GALNT7: variants seen among roughly 807,000 people sequenced by gnomAD.
GALNT7 encodes the protein polypeptide N-acetylgalactosaminyltransferase 7, also known as N-acetylgalactosaminyltransferase 7.
GALNT7 carries 60 observed loss-of-function variants against 82.1 expected under a neutral mutation model. That is an observed-to-expected ratio of 0.73 (90% CI 0.59 to 0.91). GALNT7 has a LOEUF of 0.91. Among genes scored for constraint, GALNT7 ranks in the 40% least tolerant of loss-of-function variants. The probability of loss-of-function intolerance (pLI) is 0.00; values close to 1 mark genes in which losing one functional copy is unlikely to be tolerated. For synonymous variants in GALNT7, 243 were observed against 275.1 expected (o/e 0.88, Z 1.15); for missense variants, 660 against 804.2 (o/e 0.82, Z 2.17).
At chr4:173,220,169 TG>T (rs1471903294) in intron 1 of GALNT7, among the ~76,000 whole-genome samples, 1 of 152,214 alleles carries the variant, frequency 6.6e-6, no homozygotes, top group Non-Finnish European at 1.5e-5. Context: ...AGTTGATTTT[TG>T]TATAAGGTGA....
At chr4:173,173,243 CTT>C (rs749088078) in intron 1 of GALNT7, among the ~76,000 whole-genome samples, 7 of 141,084 alleles carry the variant, frequency 5.0e-5, no homozygotes, top group South Asian at 2.3e-4. Context: ...TTATGGGAAG[CTT>C]TTTTTTTTTT....
chr4:173,245,207 C>T (rs558062402), intron 1 of GALNT7, among the ~76,000 whole-genome samples: 1 of 71,142 alleles, frequency 1.4e-5, no homozygotes, highest in East Asian at 4.0e-4. Flanking sequence ...GACAAAGAAC[C>T]ATTAAGTCAA....
At chr4:173,272,098 G>A (rs1735748021) in intron 2 of GALNT7, among the ~76,000 whole-genome samples, 1 of 152,158 alleles carries the variant, frequency 6.6e-6, no homozygotes, top group African/African-American at 2.4e-5. Flanking sequence ...TTAATAACTG[G>A]TTCCTTTTAC....
At chr4:173,182,975 TTTTAAA>T (rs1339472505) in intron 1 of GALNT7, among the ~76,000 whole-genome samples, 1 of 147,062 alleles carries the variant, frequency 6.8e-6, no homozygotes, top group Non-Finnish European at 1.5e-5. Flanking sequence ...TACCTGATAC[TTTTAAA>T]TTAAAGATAA....
chr4:173,314,131 C>A lies in GALNT7; in HGVS notation c.1563C>A (p.Ile521=). Residue 521 remains isoleucine, a synonymous_variant, in exon 9 of 12, where the codon ATC becomes ATA. Transcript: ENST00000265000. ...TCATGGAAGAAATAGCTTATGATAT[C>A]ACCTCACACTACCCTTTGCCACCCA... The part of the protein sequence containing the change: ...KWFMEEIAYD[I]TSHYPLPPKN... 1 of 1,613,876 alleles carries A rather than the reference C, an allele frequency of 6.2e-7. No homozygotes were observed. The highest frequency in any genetic ancestry group is 1.3e-5 in the African/African-American group (1 of 75,024).
rs113598921 is a variant in GALNT7, at chr4:173,250,737, A to C, written c.587+2297A>C. Among the ~76,000 whole-genome samples the C allele has an allele frequency of 2.0e-3, 304 of 152,308 alleles. 1 individual carries two copies. The highest frequency in any genetic ancestry group is 7.0e-3 in the African/African-American group (292 of 41,588). ...CTTAAAACCCAAACTCCTAACGTGCAGCAGCCCCCACGCTGTGGCCCTTAC... is the reference window on the plus strand; with the variant it reads ...CTTAAAACCCAAACTCCTAACGTGCCGCAGCCCCCACGCTGTGGCCCTTAC... On this transcript the variant is annotated intron_variant, in intron 2 of 11. Coordinates refer to ENST00000265000, the MANE Select transcript of GALNT7 (RefSeq NM_017423.3).
intron 1 of GALNT7, among the ~76,000 whole-genome samples, chr4:173,185,863 A>G (rs1244851270): frequency 1.3e-5 from 2 of 152,256 alleles, no homozygotes; most frequent in Non-Finnish European, 2.9e-5. Context: ...ATAAGCTGCT[A>G]TCCTAGTGAT....
At chr4:173,224,792 C>T (rs1433808243) in intron 1 of GALNT7, among the ~76,000 whole-genome samples, 1 of 151,656 alleles carries the variant, frequency 6.6e-6, no homozygotes, top group African/African-American at 2.4e-5. Flanking sequence ...GCGGGCGGAT[C>T]ACGAGGTCAG....
At chr4:173,307,422 A>G (rs1737201394) in intron 8 of GALNT7, among the ~76,000 whole-genome samples, 1 of 152,266 alleles carries the variant, frequency 6.6e-6, no homozygotes, top group East Asian at 1.9e-4. Flanking sequence ...ATGGGAGCAC[A>G]GATGTGCTCA....
intron 1 of GALNT7, among the ~76,000 whole-genome samples, chr4:173,191,390 C>T (rs897325899): frequency 6.6e-6 from 1 of 152,146 alleles, no homozygotes; most frequent in African/African-American, 2.4e-5. Context: ...CTTCCGCCAG[C>T]CCTTCTGCTT....
At chr4:173,296,034 T>G (rs991726092) in intron 5 of GALNT7, among the ~76,000 whole-genome samples, 191 bp downstream of exon 5, 3 of 152,220 alleles carry the variant, frequency 2.0e-5, no homozygotes, top group Non-Finnish European at 4.4e-5. Flanking sequence ...GTAGGCAGTC[T>G]GGCATTTGGG....
chr4:173,176,822 A>G (rs969419455), intron 1 of GALNT7, among the ~76,000 whole-genome samples: 3 of 152,216 alleles, frequency 2.0e-5, no homozygotes, highest in African/African-American at 7.2e-5. Context: ...AGAAAGATAA[A>G]TAGAATCTGA....
chr4:173,253,839 G>T (rs898555459), intron 2 of GALNT7, among the ~76,000 whole-genome samples: 1 of 152,176 alleles, frequency 6.6e-6, no homozygotes, highest in African/African-American at 2.4e-5. Context: ...GGAAGAAGTA[G>T]AAAATTCTGT....
chr4:173,323,112 C>G lies in GALNT7; in HGVS notation c.*1395C>G, dbSNP rs1463893832. 6.6e-6 allele frequency: 1 copy of G among 150,820 alleles called. No homozygotes were observed. The highest frequency in any genetic ancestry group is 1.5e-5 in the Non-Finnish European group (1 of 67,602). 9.3% of individuals were successfully genotyped at this position (150,820 alleles called of 1,614,324 possible). ...CTCTGTTATCCAGAAGATTAAAATG[C>G]CTACATTGAGTGCTTAAAAAAAAAA... On this transcript the variant is annotated 3_prime_UTR_variant, in exon 12 of 12. Transcript: ENST00000265000.
At chr4:173,206,000 G>T (rs990661462) in intron 1 of GALNT7, among the ~76,000 whole-genome samples, 1 of 151,798 alleles carries the variant, frequency 6.6e-6, no homozygotes, top group African/African-American at 2.4e-5. Flanking sequence ...CGGAGGCTCA[G>T]TCCACAGATA....
At chr4:173,205,311 G>A (rs925042949) in intron 1 of GALNT7, among the ~76,000 whole-genome samples, 1 of 151,712 alleles carries the variant, frequency 6.6e-6, no homozygotes, top group African/African-American at 2.4e-5. Context: ...GGTAGGTCTT[G>A]AGTGTGAGTC....
chr4:173,182,939 C>CACACACACACAG (rs1732305017), intron 1 of GALNT7, among the ~76,000 whole-genome samples: 1 of 150,870 alleles, frequency 6.6e-6, no homozygotes, highest in African/African-American at 2.5e-5. Flanking sequence ...CACACACACA[C>CACACACACACAG]ACACACACTC....
At chr4:173,210,754 T>C (rs1167825867) in intron 1 of GALNT7, among the ~76,000 whole-genome samples, 1 of 152,166 alleles carries the variant, frequency 6.6e-6, no homozygotes, top group Non-Finnish European at 1.5e-5. Context: ...TTACGTTTGC[T>C]GATTTTTGTC....
intron 1 of GALNT7, among the ~76,000 whole-genome samples, chr4:173,188,679 C>G (rs1579893331): frequency 6.6e-6 from 1 of 152,174 alleles, no homozygotes; most frequent in African/African-American, 2.4e-5. Flanking sequence ...TGAATTCTGC[C>G]TTGAGGCCTT....
Sources: allele counts gnomAD v4.1 joint callset (sites outside exome capture counted in the v4.1 genomes callset), GRCh38; gene constraint gnomAD v4.1.1; transcripts MANE v1.5; gene names NCBI Gene and HGNC (gene_info 2026-07-23, HGNC 2026-07-21).